KIAA2012: variants seen among roughly 807,000 people sequenced by gnomAD.
The protein encoded by KIAA2012 is uncharacterized protein KIAA2012.
KIAA2012 carries 125 observed loss-of-function variants against 150.6 expected under a neutral mutation model. That is an observed-to-expected ratio of 0.83 (90% CI 0.72 to 0.96). KIAA2012 has a LOEUF of 0.96. Among genes scored for constraint, KIAA2012 ranks in the 40% least tolerant of loss-of-function variants. The pLI is 0.00. For synonymous variants in KIAA2012, 462 were observed against 504.7 expected (o/e 0.92, Z 1.13); for missense variants, 1,219 against 1,354.9 (o/e 0.90, Z 1.57).
intron 19 of KIAA2012, among the ~76,000 whole-genome samples, chr2:202,191,321 A>C (rs1692324696): frequency 6.6e-6 from 1 of 152,096 alleles, no homozygotes; most frequent in Non-Finnish European, 1.5e-5. Context: ...TGTTCCAGGG[A>C]CCTTGCTTCT....
chr2:202,092,841 A>G (rs1168747882), intron 3 of KIAA2012, among the ~76,000 whole-genome samples, 189 bp from the exon 4 acceptor site: 1 of 152,132 alleles, frequency 6.6e-6, no homozygotes, highest in Admixed American at 6.5e-5. Context: ...GAAGCACCCA[A>G]GACACTAGAT....
intron 2 of KIAA2012, among the ~76,000 whole-genome samples, chr2:202,076,704 GA>G (rs1027752027): frequency 6.6e-6 from 1 of 152,160 alleles, no homozygotes; most frequent in Non-Finnish European, 1.5e-5. Flanking sequence ...GACAAGGCCA[GA>G]ATTCAAATCC....
intron 9 of KIAA2012, among the ~76,000 whole-genome samples, chr2:202,107,298 G>A (rs546563642): frequency 6.6e-6 from 1 of 152,088 alleles, no homozygotes; most frequent in Non-Finnish European, 1.5e-5. Flanking sequence ...GGACGTTCTC[G>A]AAACATTCAG....
chr2:202,132,802 A>ATATT (rs1473790947), intron 12 of KIAA2012, among the ~76,000 whole-genome samples: 8 of 94,684 alleles, frequency 8.4e-5, no homozygotes, highest in Non-Finnish European at 1.6e-4. Flanking sequence ...ATATATATAT[A>ATATT]TTTTTTTTTT....
intron 13 of KIAA2012, among the ~76,000 whole-genome samples, chr2:202,147,625 C>T (rs138850839): frequency 1.3e-5 from 2 of 152,256 alleles, no homozygotes; most frequent in African/African-American, 2.4e-5. Flanking sequence ...CTTTTATGGG[C>T]GAGTCTGGGA....
intron 13 of KIAA2012, among the ~76,000 whole-genome samples, chr2:202,148,949 G>C (rs6731765): frequency 0.54 from 82,372 of 151,924 alleles, 22,498 homozygotes; most frequent in East Asian, 0.61. Context: ...TCAGCCCCAC[G>C]TCTGGCCCCA....
chr2:202,134,206 T>C (rs1469007943), intron 12 of KIAA2012, among the ~76,000 whole-genome samples: 1 of 152,200 alleles, frequency 6.6e-6, no homozygotes, highest in Non-Finnish European at 1.5e-5. Context: ...TTGCAAGTTA[T>C]GGGGTATGTT....
intron 12 of KIAA2012, among the ~76,000 whole-genome samples, chr2:202,129,000 G>A (rs1690861489): frequency 6.6e-6 from 1 of 152,074 alleles, no homozygotes; most frequent in Non-Finnish European, 1.5e-5. Context: ...TCAGGAGGCT[G>A]AGGCAGGAGA....
rs373846981 is a variant in KIAA2012, at chr2:202,094,243, A to G, written c.685+1058A>G. On this transcript the variant is annotated intron_variant, in intron 4 of 23. Transcript: ENST00000498697. ...GGCTGTAATGAGCTATGATGGCACC[A>G]CTGCACTGCAGCCTGGATGACAAAG... 5.8e-4 allele frequency among the ~76,000 whole-genome samples: 88 copies of G among 152,300 alleles called. 1 individual carries two copies. The South Asian group carries it at 0.018, about 31-fold the overall frequency.
intron 14 of KIAA2012, among the ~76,000 whole-genome samples, chr2:202,156,581 A>G (rs1346240176): frequency 1.3e-5 from 2 of 152,310 alleles, no homozygotes; most frequent in East Asian, 3.9e-4. Flanking sequence ...AGCATGTTCA[A>G]AGGTGATAGC....
At chr2:202,184,988 C>A in intron 16 of KIAA2012, 145 bp downstream of exon 16, 1 of 591,252 alleles carries the variant, frequency 1.7e-6, no homozygotes, top group Non-Finnish European at 2.9e-6. Flanking sequence ...AAATGGTTGT[C>A]TAAGAAACAA....
chr2:202,185,603 C>A (rs2105742709), intron 16 of KIAA2012, among the ~76,000 whole-genome samples: 1 of 152,222 alleles, frequency 6.6e-6, no homozygotes, highest in South Asian at 2.1e-4. Context: ...ATGCTTATGA[C>A]AACCACCTCC....
At chr2:202,106,013 G>A in intron 9 of KIAA2012, 103 bp downstream of exon 9, 1 of 1,545,448 alleles carries the variant, frequency 6.5e-7, no homozygotes, top group Non-Finnish European at 8.7e-7. Context: ...GTCTGGAAGG[G>A]AGGTTAGTTC....
intron 2 of KIAA2012, among the ~76,000 whole-genome samples, chr2:202,089,697 A>G (rs1314123193): frequency 2.0e-5 from 3 of 152,224 alleles, no homozygotes; most frequent in African/African-American, 7.2e-5. Context: ...GTTTCCATTC[A>G]TATGAAGTTC....
intron 2 of KIAA2012, among the ~76,000 whole-genome samples, chr2:202,078,914 G>C (rs1376271065): frequency 6.6e-6 from 1 of 152,032 alleles, no homozygotes; most frequent in African/African-American, 2.4e-5. Flanking sequence ...AGTGATTATT[G>C]ACCGGGTGTG....
intron 13 of KIAA2012, among the ~76,000 whole-genome samples, chr2:202,148,371 G>T (rs529489837): frequency 2.3e-4 from 35 of 152,240 alleles, no homozygotes; most frequent in African/African-American, 8.2e-4. Context: ...TAAAGTTGAG[G>T]ACATTAAAAA....
intron 14 of KIAA2012, 111 bp downstream of exon 14, chr2:202,154,921 G>A (rs1691493780): frequency 2.4e-6 from 3 of 1,251,816 alleles, no homozygotes; most frequent in Admixed American, 6.6e-5. Flanking sequence ...CAGAGCTCCT[G>A]CATTATCAGA....
intron 13 of KIAA2012, among the ~76,000 whole-genome samples, chr2:202,151,503 C>G (rs1691427124): frequency 6.6e-6 from 1 of 152,002 alleles, no homozygotes; most frequent in Non-Finnish European, 1.5e-5. Context: ...CTGGCTCCAG[C>G]TTGTCATCCA....
intron 11 of KIAA2012, among the ~76,000 whole-genome samples, chr2:202,118,920 A>G (rs964643803): frequency 2.0e-5 from 3 of 152,224 alleles, no homozygotes; most frequent in Non-Finnish European, 4.4e-5. Flanking sequence ...TCCTAGAAAC[A>G]TAAAGACTTC....
Sources: gnomAD v4.1 joint callset for allele counts (sites outside exome capture counted in the v4.1 genomes callset) on GRCh38, gnomAD v4.1.1 for gene constraint, MANE v1.5 for transcripts, NCBI Gene and HGNC (gene_info 2026-07-23, HGNC 2026-07-21) for gene names.